CEP170B: variants seen among roughly 807,000 people sequenced by gnomAD.
The protein encoded by CEP170B is centrosomal protein of 170 kDa protein B.
In CEP170B, 55 loss-of-function variants were observed where a neutral mutation model predicts 120.6. The ratio of observed to expected loss-of-function variants is 0.46; its 90% CI spans 0.37 to 0.57. The LOEUF (loss-of-function observed/expected upper bound fraction) is 0.57, where lower values mean the gene tolerates loss of function less well. Among genes scored for constraint, CEP170B ranks in the 20% least tolerant of loss-of-function variants. CEP170B has a pLI of 0.00. For synonymous variants in CEP170B, 1,033 were observed against 954.5 expected (o/e 1.08, Z -1.52); for missense variants, 2,212 against 2,253.3 (o/e 0.98, Z 0.37).
chr14:104,887,246 G>C lies in CEP170B; in HGVS notation c.3007G>C (p.Ala1003Pro). Residue 1003 changes from alanine (A) to proline (P), a missense_variant, in exon 12 of 19, where the codon GCC becomes CCC. Coordinates refer to ENST00000414716, the MANE Select transcript of CEP170B (RefSeq NM_001112726.3). ...QDPGGTALVSAREQSSERQHH... is the reference protein window; with the variant it reads ...QDPGGTALVSPREQSSERQHH... Reference sequence around the variant, plus strand: ...CCCGGGAGGCACCGCCCTGGTCAGTGCCCGTGAGCAGTCCTCAGAGAGGCA... The same window carrying C: ...CCCGGGAGGCACCGCCCTGGTCAGTCCCCGTGAGCAGTCCTCAGAGAGGCA... The C allele has an allele frequency of 6.2e-7, 1 of 1,606,884 alleles. No homozygotes were observed. The highest frequency in any genetic ancestry group is 8.5e-7 in the Non-Finnish European group (1 of 1,179,446).
At position 104,884,546 on chromosome 14, in the gene CEP170B, C is replaced by T. The variant is rs1004647150; in HGVS notation, c.1767C>T (p.Asp589=). 6.4e-7 allele frequency: 1 copy of T among 1,555,698 alleles called. No homozygotes were observed. Among genetic ancestry groups the T allele is most frequent in the Non-Finnish European group, 8.7e-7 (1 of 1,149,920 alleles). The change falls in exon 9 of 19, where the codon GAC becomes GAT. Residue 589 remains aspartate, a synonymous_variant. Coordinates refer to ENST00000414716, the MANE Select transcript of CEP170B (RefSeq NM_001112726.3). ...TGGAGGAGGCCCGGAAGATGATCGA[C>T]CAGGTGCAGCCCAGCGGCGAGTGAG... ...TEVEEARKMI[D]QVFGVLESPE...
Position 104,870,109 on chromosome 14 carries a change from C to CA in CEP170B, c.105+1556dup, listed in dbSNP as rs11396445. 0.54 allele frequency among the ~76,000 whole-genome samples: 81,298 copies of CA among 151,880 alleles called. 23,353 individuals carry two copies. The highest frequency in any genetic ancestry group is 0.77 in the Middle Eastern group (225 of 294). On this transcript the variant is annotated intron_variant, in intron 2 of 18. Transcript: ENST00000414716. This position sits in a 1 kb window ranked among gnomAD's most constrained non-coding sequence, Gnocchi z 4.1. ...GGCAGGAGTCGGCAAATGTTTTCTACAAGGGCCTGGTAAAGATTTTAGGTT... is the reference window on the plus strand; with the variant it reads ...GGCAGGAGTCGGCAAATGTTTTCTACAAAGGGCCTGGTAAAGATTTTAGGTT...
Position 104,896,337 on chromosome 14 carries a change from G to T in CEP170B, c.*1379G>T. 1 of 336,802 alleles carries T rather than the reference G, an allele frequency of 3.0e-6. No homozygotes were observed. Among genetic ancestry groups the T allele is most frequent in the Non-Finnish European group, 5.9e-6 (1 of 168,664 alleles). The allele number at this position is 336,802 out of a possible 1,614,324, so 20.9% of individuals were successfully genotyped here. ...TTTACGTGTGTGTGTGAGGGGGGGC[G>T]GGGGTGGCAGGTGTCCCCCCCTGGT... On this transcript the variant is annotated 3_prime_UTR_variant, in exon 19 of 19. Transcript: ENST00000414716.
At chr14:104,872,419 TGTGCC>T (rs1895598915) in intron 2 of CEP170B, among the ~76,000 whole-genome samples, 2 of 125,082 alleles carry the variant, frequency 1.6e-5, no homozygotes, top group African/African-American at 6.2e-5. Context: ...GTGCCGTGGG[TGTGCC>T]GTGCGTGTGT....
chr14:104,865,233 G>A (rs1197926899), upstream of CEP170B: 1 of 143,634 alleles, frequency 7.0e-6, no homozygotes, highest in Admixed American at 6.9e-5. This position sits in a 1 kb window ranked among gnomAD's most constrained non-coding sequence, Gnocchi z 6.7. Context: ...CGTGCCCGGG[G>A]CGGGGCGTTC....
chr14:104,878,019 C>T, intron 4 of CEP170B, 56 bp downstream of exon 4: 2 of 1,369,034 alleles, frequency 1.5e-6, no homozygotes, highest in South Asian at 2.5e-5. Flanking sequence ...CCCAGGACCA[C>T]AGTCACCCTG....
At chr14:104,878,639 A>G in intron 5 of CEP170B, 138 bp downstream of exon 5, 1 of 853,668 alleles carries the variant, frequency 1.2e-6, no homozygotes, top group East Asian at 2.6e-5. Context: ...GGGTGCCATG[A>G]GTCAGGCCAG....
chr14:104,885,222 A>C, intron 9 of CEP170B, 147 bp from the exon 10 acceptor site: 1 of 848,620 alleles, frequency 1.2e-6, no homozygotes, highest in African/African-American at 1.8e-5. Context: ...TGTCCTGCTG[A>C]CAGCCAGGCT....
chr14:104,895,608 C>T lies in CEP170B; in HGVS notation c.*650C>T, dbSNP rs1348763644. The T allele has an allele frequency of 6.5e-6, 1 of 152,676 alleles. No individual in the cohort carries two copies. The highest frequency in any genetic ancestry group is 2.4e-5 in the African/African-American group (1 of 41,482). The allele number at this position is 152,676 out of a possible 1,614,324, so 9.5% of individuals were successfully genotyped here. A position where few individuals can be genotyped will look rare whatever the true frequency, so the allele number is the denominator to read the frequency against. Reference sequence around the variant, plus strand: ...GCTTGGGGCTGCCCTGTGGAGGCCTCCTGGGTATGGACCAGGGGCTTGTTG... The same window carrying T: ...GCTTGGGGCTGCCCTGTGGAGGCCTTCTGGGTATGGACCAGGGGCTTGTTG... On this transcript the variant is annotated 3_prime_UTR_variant, in exon 19 of 19. Transcript: ENST00000414716.
intron 2 of CEP170B, among the ~76,000 whole-genome samples, chr14:104,872,424 C>CATGTGT (rs1566852638): frequency 0.22 from 11,230 of 51,016 alleles, 2,541 homozygotes; most frequent in Middle Eastern, 0.56. Flanking sequence ...GTGGGTGTGC[C>CATGTGT]GTGCGTGTGT....
rs368449607 is a variant in CEP170B at position 104,894,940 on chromosome 14, C to T, written c.4647C>T (p.Ala1549=). The T allele has an allele frequency of 6.5e-5, 103 of 1,588,756 alleles. No individual in the cohort carries two copies. The highest frequency in any genetic ancestry group is 9.4e-5 in the African/African-American group (7 of 74,486). ...SLPDPTFLPD[A]ERFLI ...CGGACCCCACCTTCCTCCCTGATGC[C>T]GAGAGGTTCCTGATCTAGGCCCCAG... Residue 1549 remains alanine, a synonymous_variant, in exon 19 of 19, where the codon GCC becomes GCT. Coordinates refer to ENST00000414716, the MANE Select transcript of CEP170B (RefSeq NM_001112726.3).
chr14:104,890,552 A>G (rs866269926), intron 13 of CEP170B, among the ~76,000 whole-genome samples: 1,151 of 9,858 alleles, frequency 0.12, no homozygotes, highest in Middle Eastern at 0.17. Flanking sequence ...ATGGGTGAGT[A>G]GGTGGGTGGG....
rs1223563789 is a variant in CEP170B at position 104,872,458 on chromosome 14, G to A, written c.106-3798G>A. Among the ~76,000 whole-genome samples, 8 of 138,632 alleles carry A rather than the reference G, an allele frequency of 5.8e-5. 1 individual carries two copies. The highest frequency in any genetic ancestry group is 9.5e-5 in the Non-Finnish European group (6 of 63,292). 90.9% of individuals were successfully genotyped at this position (138,632 alleles called of 152,430 possible). A position where few individuals can be genotyped will look rare whatever the true frequency, so the allele number is the denominator to read the frequency against. ...GTGCGTGTGTGTGCCATGTGTGTGC[G>A]TGTGGGTGTGCCGTGTGTGTGCGTG... On this transcript the variant is annotated intron_variant, in intron 2 of 18. Coordinates refer to ENST00000414716, the MANE Select transcript of CEP170B (RefSeq NM_001112726.3).
In CEP170B at chr14:104,883,285, C is replaced by A; in HGVS notation, c.828C>A (p.Cys276Ter). Residue 276 changes from cysteine (C) to a stop codon, truncating the protein, a stop_gained, in exon 8 of 19, where the codon TGC (cysteine) becomes TGA (stop). Transcript: ENST00000414716. LOFTEE classifies it high-confidence loss of function. ...HASFTIEFDDCSPGKMKIKDH... is the reference protein window; with the variant it reads ...HASFTIEFDD ...CCTTCACCATCGAGTTTGATGACTGCAGCCCTGGCAAGATGAAGATCAAGG... is the reference window on the plus strand; with the variant it reads ...CCTTCACCATCGAGTTTGATGACTGAAGCCCTGGCAAGATGAAGATCAAGG... The A allele has an allele frequency of 6.2e-7, 1 of 1,612,000 alleles. No homozygotes were observed. The highest frequency in any genetic ancestry group is 8.5e-7 in the Non-Finnish European group (1 of 1,179,678).
rs1679689814 is a variant in CEP170B at position 104,894,394 on chromosome 14, C to CCGTGCCCCTTGG, written c.4365+18_4365+29dup. 1 of 1,611,842 alleles carries CCGTGCCCCTTGG rather than the reference C, an allele frequency of 6.2e-7. No homozygotes were observed. The highest frequency in any genetic ancestry group is 1.3e-5 in the African/African-American group (1 of 74,902). On this transcript the variant is annotated intron_variant, in intron 17 of 18. Coordinates refer to ENST00000414716, the MANE Select transcript of CEP170B (RefSeq NM_001112726.3). Reference sequence around the variant, plus strand: ...ATCTAACAAGGTGAGCGCTGGGGCCCCGTGCCCCTTGGCCTGCCCCCAGCC... The same window carrying CCGTGCCCCTTGG: ...ATCTAACAAGGTGAGCGCTGGGGCCCCGTGCCCCTTGGCGTGCCCCTTGGCCTGCCCCCAGCC...
At chr14:104,875,542 T>C (rs1895794419) in intron 2 of CEP170B, among the ~76,000 whole-genome samples, 1 of 151,830 alleles carries the variant, frequency 6.6e-6, no homozygotes, top group Non-Finnish European at 1.5e-5. Context: ...CTTGCAGCGC[T>C]GTGTGGAGTT....
Position 104,868,658 on chromosome 14 carries a change from AG to A in CEP170B, c.105+105del, listed in dbSNP as rs2140615069. ...CCACTTGCTGCAGGCCACCCTGGCGAGGAGGCCGCCATGCAGCCCAGGCTGG... is the reference window on the plus strand; with the variant it reads ...CCACTTGCTGCAGGCCACCCTGGCGAGAGGCCGCCATGCAGCCCAGGCTGG... On this transcript the variant is annotated intron_variant, in intron 2 of 18. Transcript: ENST00000414716. This position sits in a 1 kb window ranked among gnomAD's most constrained non-coding sequence, Gnocchi z 5.9. 1 of 1,136,544 alleles carries A rather than the reference AG, an allele frequency of 8.8e-7. No individual in the cohort carries two copies. The highest frequency in any genetic ancestry group is 2.6e-5 in the East Asian group (1 of 38,744). 70.4% of individuals were successfully genotyped at this position (1,136,544 alleles called of 1,614,324 possible).
chr14:104,868,766 C>T lies in CEP170B; in HGVS notation c.105+211C>T, dbSNP rs1464371012. Among the ~76,000 whole-genome samples, 7 of 152,150 alleles carry T rather than the reference C, an allele frequency of 4.6e-5. No homozygotes were observed. In the East Asian group the frequency reaches 5.8e-4, roughly 13 times the overall value. On this transcript the variant is annotated intron_variant, in intron 2 of 18. Coordinates refer to ENST00000414716, the MANE Select transcript of CEP170B (RefSeq NM_001112726.3). This position sits in a 1 kb window ranked among gnomAD's most constrained non-coding sequence, Gnocchi z 5.9. Reference sequence around the variant, plus strand: ...GCAGGGGTGTGTGTGTGCTCACAGGCTCGGGTCCCTGCCCCGTACGTATCC... The same window carrying T: ...GCAGGGGTGTGTGTGTGCTCACAGGTTCGGGTCCCTGCCCCGTACGTATCC...
At chr14:104,893,462 C>A in intron 14 of CEP170B, 61 bp from the exon 15 acceptor site, 1 of 1,552,318 alleles carries the variant, frequency 6.4e-7, no homozygotes, top group African/African-American at 1.4e-5. Flanking sequence ...CAGGGAGGTG[C>A]AGCCACAGCC....
Sources: gnomAD v4.1 joint callset for allele counts (sites outside exome capture counted in the v4.1 genomes callset) on GRCh38, gnomAD v4.1.1 for gene constraint, Gnocchi (gnomAD v3.1) non-coding constraint, MANE v1.5 for transcripts, NCBI Gene and HGNC (gene_info 2026-07-23, HGNC 2026-07-21) for gene names.